PRKN: variants seen among roughly 807,000 people sequenced by gnomAD.
PRKN encodes the protein parkin RBR E3 ubiquitin protein ligase, also known as E3 ubiquitin-protein ligase parkin.
Under a neutral mutation model 59.5 loss-of-function variants are expected in PRKN, and 56 were observed. The ratio of observed to expected loss-of-function variants is 0.94; its 90% CI spans 0.76 to 1.18. PRKN has a LOEUF of 1.18. PRKN is among the 50% of genes most tolerant of loss of function. PRKN has a pLI of 0.00. For missense variants in PRKN, 657 were observed against 596.4 expected (o/e 1.10, Z -1.06); for synonymous variants, 250 against 222.1 (o/e 1.13, Z -1.12).
chr6:161,947,891 T>C (rs1583390533), intron 6 of PRKN, among the ~76,000 whole-genome samples: 2 of 152,328 alleles, frequency 1.3e-5, no homozygotes, highest in African/African-American at 2.4e-5. Context: ...AGGCACCTTC[T>C]GTTATGCCAT....
At position 161,908,690 on chromosome 6, in the gene PRKN, A is replaced by T. The variant is rs547280566; in HGVS notation, c.734+64612T>A. Among the ~76,000 whole-genome samples, 7 of 152,306 alleles carry T rather than the reference A, an allele frequency of 4.6e-5. 1 individual carries two copies. The South Asian group carries it at 1.4e-3, about 32-fold the overall frequency. ...TGAAAAAAAAAAACACCAGTTCTAT[A>T]ATTTGGACAGACAAAATTTAGCAAT... On this transcript the variant is annotated intron_variant, in intron 6 of 11. Transcript: ENST00000366898.
Position 161,763,715 on chromosome 6 carries a change from C to G in PRKN, c.871+22057G>C, listed in dbSNP as rs113783967. Among the ~76,000 whole-genome samples, 254 of 152,158 alleles carry G rather than the reference C, an allele frequency of 1.7e-3. 1 individual carries two copies. The highest frequency in any genetic ancestry group is 0.016 in the South Asian group (78 of 4,816). ...CACAACGTGCAAAGTGCAATATCAC[C>G]CATATTAAATTGATTGAAAGTTAAA... On this transcript the variant is annotated intron_variant, in intron 7 of 11. Coordinates refer to ENST00000366898, the MANE Select transcript of PRKN (RefSeq NM_004562.3).
intron 2 of PRKN, among the ~76,000 whole-genome samples, chr6:162,309,202 C>T (rs1159021999): frequency 6.6e-6 from 1 of 152,086 alleles, no homozygotes; most frequent in African/African-American, 2.4e-5. Flanking sequence ...ACTCTGTCAC[C>T]CAGCCTGGAG....
intron 3 of PRKN, among the ~76,000 whole-genome samples, chr6:162,250,266 G>A (rs765251524): frequency 3.3e-5 from 5 of 152,122 alleles, no homozygotes; most frequent in Non-Finnish European, 7.3e-5. Flanking sequence ...TGTCCTTTTG[G>A]TGCAGCGTTG....
At chr6:162,235,950 G>GAAAGAAAGAAAGAAAGAAA (rs1562602152) in intron 3 of PRKN, among the ~76,000 whole-genome samples, 2 of 102,398 alleles carry the variant, frequency 2.0e-5, no homozygotes, top group Admixed American at 9.8e-5. Flanking sequence ...AGGAAGGAAG[G>GAAAGAAAGAAAGAAAGAAA]AAGAAAGGAA....
intron 4 of PRKN, among the ~76,000 whole-genome samples, chr6:162,172,315 T>A (rs866182742): frequency 6.6e-6 from 1 of 152,142 alleles, no homozygotes; most frequent in Non-Finnish European, 1.5e-5. Flanking sequence ...ATGAGGCACA[T>A]CCTGTACTAG....
At chr6:162,390,631 CG>C (rs1787134959) in intron 2 of PRKN, among the ~76,000 whole-genome samples, 1 of 151,668 alleles carries the variant, frequency 6.6e-6, no homozygotes, top group African/African-American at 2.4e-5. Context: ...TTAGTACAGT[CG>C]GGGTTTTGCC....
intron 2 of PRKN, among the ~76,000 whole-genome samples, chr6:162,317,453 C>T (rs778768748): frequency 6.6e-6 from 1 of 152,078 alleles, no homozygotes; most frequent in Non-Finnish European, 1.5e-5. Flanking sequence ...AATTAAACCT[C>T]TTTGCTTTAT....
chr6:162,413,765 C>T (rs993610086), intron 2 of PRKN, among the ~76,000 whole-genome samples: 2 of 152,190 alleles, frequency 1.3e-5, no homozygotes, highest in African/African-American at 4.8e-5. Context: ...ATAGACATCA[C>T]CTATTTTAAT....
chr6:161,486,579 C>T (rs1380467959), intron 9 of PRKN, among the ~76,000 whole-genome samples: 21 of 152,162 alleles, frequency 1.4e-4, no homozygotes, highest in Admixed American at 1.4e-3. Context: ...TGCAGGTCCT[C>T]TGCCTTTTAA....
intron 4 of PRKN, among the ~76,000 whole-genome samples, chr6:162,110,963 C>A (rs1426258696): frequency 6.6e-6 from 1 of 152,148 alleles, no homozygotes; most frequent in Non-Finnish European, 1.5e-5. Context: ...AGAGTTGAGA[C>A]AGACAAAAAG....
intron 3 of PRKN, among the ~76,000 whole-genome samples, chr6:162,224,900 T>C (rs1414698370): frequency 6.6e-6 from 1 of 152,214 alleles, no homozygotes; most frequent in African/African-American, 2.4e-5. Flanking sequence ...TAAAAAACCA[T>C]ACTCATCTGA....
At chr6:161,422,974 G>A (rs961142779) in intron 9 of PRKN, among the ~76,000 whole-genome samples, 1 of 152,142 alleles carries the variant, frequency 6.6e-6, no homozygotes, top group Admixed American at 6.5e-5. Flanking sequence ...TATGAGACAA[G>A]CTGGGCATGC....
At chr6:162,282,124 G>T (rs559256107) in intron 2 of PRKN, among the ~76,000 whole-genome samples, 1 of 152,174 alleles carries the variant, frequency 6.6e-6, no homozygotes, top group African/African-American at 2.4e-5. Flanking sequence ...AGGTTCTGGC[G>T]CCACGGGGGT....
chr6:162,280,277 A>G (rs1176300495), intron 2 of PRKN, among the ~76,000 whole-genome samples: 1 of 152,138 alleles, frequency 6.6e-6, no homozygotes, highest in East Asian at 1.9e-4. Context: ...CTGCTCCTGA[A>G]TGACTACTGG....
At chr6:161,665,379 T>C (rs1236576496) in intron 7 of PRKN, among the ~76,000 whole-genome samples, 1 of 152,126 alleles carries the variant, frequency 6.6e-6, no homozygotes, top group Non-Finnish European at 1.5e-5. Flanking sequence ...TCTTAAACAT[T>C]TTTTTTCTGT....
intron 5 of PRKN, among the ~76,000 whole-genome samples, chr6:162,010,245 T>C (rs1247192769): frequency 8.4e-6 from 1 of 119,104 alleles, no homozygotes; most frequent in Non-Finnish European, 1.8e-5. Flanking sequence ...TATATATTTA[T>C]TATACATAAT....
intron 3 of PRKN, among the ~76,000 whole-genome samples, chr6:162,224,099 C>A (rs1263049516): frequency 1.3e-5 from 2 of 151,564 alleles, no homozygotes; most frequent in Non-Finnish European, 2.9e-5. Flanking sequence ...TTTTTTTTTC[C>A]TTTTCTTATC....
intron 6 of PRKN, among the ~76,000 whole-genome samples, chr6:161,939,969 G>C (rs576988488): frequency 6.6e-6 from 1 of 151,976 alleles, no homozygotes; most frequent in African/African-American, 2.4e-5. Flanking sequence ...CGCCATCTCG[G>C]CTCACCGCAA....
Sources: gnomAD v4.1 joint callset for allele counts (sites outside exome capture counted in the v4.1 genomes callset) on GRCh38, gnomAD v4.1.1 for gene constraint, MANE v1.5 for transcripts, NCBI Gene and HGNC (gene_info 2026-07-23, HGNC 2026-07-21) for gene names.